IP6K3: variants seen among roughly 807,000 people sequenced by gnomAD.
The protein encoded by IP6K3 is inositol hexakisphosphate kinase 3, also known as ATP:1D-myo-inositol-hexakisphosphate phosphotransferase.
In IP6K3, 20 loss-of-function variants were observed where a neutral mutation model predicts 28.8. That is an observed-to-expected ratio of 0.70 (90% CI 0.49 to 1.01). IP6K3 has a LOEUF of 1.01. Ranked by LOEUF, IP6K3 falls within the 50% of genes least tolerant of loss-of-function variation. The pLI is 0.00. For missense variants in IP6K3, 480 were observed against 537.1 expected (o/e 0.89, Z 1.05); for synonymous variants, 213 against 221.3 (o/e 0.96, Z 0.33).
chr6:33,741,670 A>AAAAG (rs1766727659), intron 1 of IP6K3, among the ~76,000 whole-genome samples: 1 of 123,358 alleles, frequency 8.1e-6, no homozygotes, highest in African/African-American at 2.7e-5. Flanking sequence ...AAAAAAAAAA[A>AAAAG]GCCGGGCACA....
At chr6:33,726,618 CT>C in intron 4 of IP6K3, 112 bp downstream of exon 4, 3 of 1,106,432 alleles carry the variant, frequency 2.7e-6, no homozygotes, top group Non-Finnish European at 3.8e-6. Context: ...TCTCTCCCTG[CT>C]ACCCTCCATT....
At chr6:33,741,645 C>CG (rs770178878) in intron 1 of IP6K3, among the ~76,000 whole-genome samples, 3 of 29,376 alleles carry the variant, frequency 1.0e-4, no homozygotes, top group Non-Finnish European at 1.5e-4. Context: ...GACTCCATCT[C>CG]AAAAAAAAAA....
intron 2 of IP6K3, among the ~76,000 whole-genome samples, chr6:33,733,918 C>G (rs1413822286): frequency 6.6e-6 from 1 of 152,186 alleles, no homozygotes; most frequent in Non-Finnish European, 1.5e-5. Context: ...AATAAGAATT[C>G]CTGGCTGGGC....
chr6:33,740,687 C>T lies in IP6K3; in HGVS notation c.-179-5032G>A, dbSNP rs1766687549. On this transcript the variant is annotated intron_variant, in intron 1 of 5. Coordinates refer to ENST00000293756, the MANE Select transcript of IP6K3 (RefSeq NM_054111.5). ...ATCAAGCCGAGGCGGATAAGGGCAT[C>T]ATAACTTGTCACAACCCGTCGGCAC... 4.6e-5 allele frequency among the ~76,000 whole-genome samples: 7 copies of T among 152,360 alleles called. No homozygotes were observed. In the South Asian group the frequency reaches 1.4e-3, roughly 32 times the overall value.
intron 1 of IP6K3, 62 bp from the exon 2 acceptor site, chr6:33,735,717 C>T (rs989350607): frequency 1.1e-5 from 10 of 929,516 alleles, no homozygotes; most frequent in African/African-American, 6.7e-5. Flanking sequence ...GGCAGGGCAG[C>T]GCTTGGAAGG....
At chr6:33,739,931 T>C (rs1371098374) in intron 1 of IP6K3, among the ~76,000 whole-genome samples, 2 of 152,212 alleles carry the variant, frequency 1.3e-5, no homozygotes, top group African/African-American at 2.4e-5. Context: ...GAAGACAAAG[T>C]GAAGACACTC....
rs1411720733 is a variant in IP6K3 at position 33,725,677 on chromosome 6, C to T, written c.590-61G>A. ...TCAGAACTGCTGCTCCGCCAGAGGT[C>T]GTTTGCATGCCTCAGAAGCTGCCTG... On this transcript the variant is annotated intron_variant, in intron 4 of 5. Transcript: ENST00000293756. 1.3e-5 allele frequency: 19 copies of T among 1,498,216 alleles called. No individual in the cohort carries two copies. The East Asian group carries it at 2.7e-4, about 22-fold the overall frequency. The allele number at this position is 1,498,216 out of a possible 1,614,324, so 92.8% of individuals were successfully genotyped here. A position where few individuals can be genotyped will look rare whatever the true frequency, so the allele number is the denominator to read the frequency against.
chr6:33,727,054 C>G (rs963427365), intron 3 of IP6K3, 148 bp from the exon 4 acceptor site: 1 of 714,130 alleles, frequency 1.4e-6, no homozygotes, highest in Non-Finnish European at 2.2e-6. Flanking sequence ...GGGGCACCCT[C>G]CCTGCCCAAC....
intron 1 of IP6K3, among the ~76,000 whole-genome samples, chr6:33,737,377 C>T (rs1213047904): frequency 6.6e-6 from 1 of 152,194 alleles, no homozygotes; most frequent in Non-Finnish European, 1.5e-5. Flanking sequence ...ACAGTGGTGC[C>T]TGTCACCACC....
rs61748595 is a variant in IP6K3 at position 33,723,105 on chromosome 6, G to A, written c.848C>T (p.Ala283Val). 9.2e-5 allele frequency: 149 copies of A among 1,614,036 alleles called. No individual in the cohort carries two copies. Among genetic ancestry groups the A allele is most frequent in the Middle Eastern group, 3.3e-4 (2 of 6,082 alleles). Residue 283 changes from alanine (A) to valine (V), a missense_variant, in exon 6 of 6, where the codon GCC becomes GTC. Physicochemically the swap from Ala to Val is moderately conservative, Grantham distance 64. Transcript: ENST00000293756. Reference protein sequence around the residue: ...RKLSVEGFRQALYQFLHNGSH... With the variant: ...RKLSVEGFRQVLYQFLHNGSH... ...TCCATTATGTAGGAACTGATAGAGG[G>A]CTTGTCTGAACCCCTCCACTGAGAG...
rs1441410954 is a variant in IP6K3, at chr6:33,721,809, C to T, written c.*911G>A. On this transcript the variant is annotated 3_prime_UTR_variant, in exon 6 of 6. Coordinates refer to ENST00000293756, the MANE Select transcript of IP6K3 (RefSeq NM_054111.5). ...ACTGTTTGTTCTTATTCCATATTTACACTTGTCCACCAGTCTTGTAAACAT... is the reference window on the plus strand; with the variant it reads ...ACTGTTTGTTCTTATTCCATATTTATACTTGTCCACCAGTCTTGTAAACAT... The T allele has an allele frequency of 6.6e-6, 1 of 152,522 alleles. No individual in the cohort carries two copies. Among genetic ancestry groups the T allele is most frequent in the Non-Finnish European group, 1.5e-5 (1 of 68,010 alleles). 9.4% of individuals were successfully genotyped at this position (152,522 alleles called of 1,614,324 possible). A position where few individuals can be genotyped will look rare whatever the true frequency, so the allele number is the denominator to read the frequency against.
chr6:33,756,133 G>C, the IP6K3 span, among the ~76,000 whole-genome samples: 1 of 152,316 alleles, frequency 6.6e-6, no homozygotes, highest in East Asian at 1.9e-4. Flanking sequence ...CAAAATGCTT[G>C]GATTACAGGC....
At chr6:33,738,211 A>G (rs995436276) in intron 1 of IP6K3, among the ~76,000 whole-genome samples, 3 of 152,022 alleles carry the variant, frequency 2.0e-5, no homozygotes, top group Non-Finnish European at 4.4e-5. Context: ...AAGTTCATTT[A>G]TAGCCACTCT....
At position 33,725,372 on chromosome 6, in the gene IP6K3, GGA is replaced by G. The variant is rs1766061989; in HGVS notation, c.765+67_765+68del. 7.5e-6 allele frequency: 11 copies of G among 1,466,426 alleles called. No individual in the cohort carries two copies. The South Asian group carries it at 1.5e-4, about 19-fold the overall frequency. 90.8% of individuals were successfully genotyped at this position (1,466,426 alleles called of 1,614,324 possible). On this transcript the variant is annotated intron_variant, in intron 5 of 5. Coordinates refer to ENST00000293756, the MANE Select transcript of IP6K3 (RefSeq NM_054111.5). ...GCAGGGGGGCAGTGGCATCTGGATGGGAGATATCCTTGCCCCACCGTGGACGT... is the reference window on the plus strand; with the variant it reads ...GCAGGGGGGCAGTGGCATCTGGATGGGATATCCTTGCCCCACCGTGGACGT...
At chr6:33,747,640 GCAGAGGCCCAGAGGCC>G (rs16871395), upstream of IP6K3, among the ~76,000 whole-genome samples, 96 of 121,882 alleles carry the variant, frequency 7.9e-4, 4 homozygotes, top group Admixed American at 8.6e-4. This position sits in a 1 kb window ranked among gnomAD's most constrained non-coding sequence, Gnocchi z 5.2. Flanking sequence ...GAGAGGCTGT[GCAGAGGCCCAGAGGCC>G]CAGAGGCCCA....
rs1422074981 is a variant in IP6K3 at position 33,722,852 on chromosome 6, C to T, written c.1101G>A (p.Met367Ile). ...PGGLTKVDIRMIDFAHTTYKG... is the reference protein window; with the variant it reads ...PGGLTKVDIRIIDFAHTTYKG... ...TGTATGTGGTATGAGCAAAGTCAAT[C>T]ATGCGGATGTCAACCTTGGTGAGAC... is the stretch of plus-strand genomic sequence containing the variant. Residue 367 changes from methionine to isoleucine, a missense_variant, in exon 6 of 6, where the codon ATG (methionine) becomes ATA (isoleucine). Met to Ile is a conservative substitution (Grantham distance 10, BLOSUM62 1). Transcript: ENST00000293756. 1.2e-6 allele frequency: 2 copies of T among 1,614,186 alleles called. No homozygotes were observed. The highest frequency in any genetic ancestry group is 1.7e-6 in the Non-Finnish European group (2 of 1,180,036).
At position 33,735,363 on chromosome 6, in the gene IP6K3, C is replaced by T. The variant is rs771361482; in HGVS notation, c.114G>A (p.Thr38=). 2.6e-5 allele frequency: 41 copies of T among 1,606,354 alleles called. No individual in the cohort carries two copies. The highest frequency in any genetic ancestry group is 6.7e-5 in the East Asian group (3 of 44,814). Residue 38 remains threonine, a synonymous_variant, in exon 2 of 6, where the codon ACG becomes ACA. Coordinates refer to ENST00000293756, the MANE Select transcript of IP6K3 (RefSeq NM_054111.5). ...CCCGGGAGACGAGGGGCTTGCACAC[C>T]GTATGCTCGTCATACTTCATCACGC... ...HMSVMKYDEH[T]VCKPLVSREQ...
Position 33,746,408 on chromosome 6 carries a change from G to C in IP6K3, c.-180+350C>G, listed in dbSNP as rs1766910459. Among the ~76,000 whole-genome samples, 1 of 152,104 alleles carries C rather than the reference G, an allele frequency of 6.6e-6. No homozygotes were observed. The highest frequency in any genetic ancestry group is 2.4e-5 in the African/African-American group (1 of 41,398). On this transcript the variant is annotated intron_variant, in intron 1 of 5. Transcript: ENST00000293756. This position sits in a 1 kb window ranked among gnomAD's most constrained non-coding sequence, Gnocchi z 6.5. ...CCCCCGGTACTTGCCCCTCCCCCCAGCTTCCTCTGTAGTCCCAGTCCACCC... is the reference window on the plus strand; with the variant it reads ...CCCCCGGTACTTGCCCCTCCCCCCACCTTCCTCTGTAGTCCCAGTCCACCC...
rs1766756441 is a variant in IP6K3, at chr6:33,742,337, T to A, written c.-180+4421A>T. On this transcript the variant is annotated intron_variant, in intron 1 of 5. Transcript: ENST00000293756. This position sits in a 1 kb window ranked among gnomAD's most constrained non-coding sequence, Gnocchi z 4.5. ...CGGAGACCCAGGACCAAGACCCAAG[T>A]CAGGCTCTTAGGGCCAGGGTGCTGT... is the stretch of plus-strand genomic sequence containing the variant. Among the ~76,000 whole-genome samples, 1 of 152,174 alleles carries A rather than the reference T, an allele frequency of 6.6e-6. No homozygotes were observed. Among genetic ancestry groups the A allele is most frequent in the Non-Finnish European group, 1.5e-5 (1 of 68,028 alleles).
Sources: allele counts gnomAD v4.1 joint callset (sites outside exome capture counted in the v4.1 genomes callset), GRCh38; gene constraint gnomAD v4.1.1; non-coding constraint Gnocchi (gnomAD v3.1); transcripts MANE v1.5; gene names NCBI Gene and HGNC (gene_info 2026-07-23, HGNC 2026-07-21).